Variants in ZFHX4 observed in about 807,000 individuals in gnomAD.
The protein encoded by ZFHX4 is zinc finger homeobox protein 4.
ZFHX4 carries 56 observed loss-of-function variants against 267.6 expected under a neutral mutation model. That is an observed-to-expected ratio of 0.21 (90% CI 0.17 to 0.26). The LOEUF is 0.26. ZFHX4 is among the 10% of genes least tolerant of loss of function. The pLI, the probability that ZFHX4 is intolerant of heterozygous loss-of-function variation, is 1.00. For synonymous variants in ZFHX4, 1,778 were observed against 1,665.6 expected (o/e 1.07, Z -1.64); for missense variants, 4,332 against 4,420.0 (o/e 0.98, Z 0.56).
At chr8:76,745,583 A>ATATATAT (rs1178474204) in intron 3 of ZFHX4, among the ~76,000 whole-genome samples, 1 of 82,338 alleles carries the variant, frequency 1.2e-5, no homozygotes. Flanking sequence ...TCTAAAAGAT[A>ATATATAT]TATATATATA....
At position 76,851,992 on chromosome 8, in the gene ZFHX4, C is replaced by T; in HGVS notation, c.5071C>T (p.Pro1691Ser). 1 of 1,613,986 alleles carries T rather than the reference C, an allele frequency of 6.2e-7. No homozygotes were observed. Among genetic ancestry groups the T allele is most frequent in the Non-Finnish European group, 8.5e-7 (1 of 1,179,868 alleles). The change falls in exon 10 of 11, where the codon CCA (proline) becomes TCA (serine). Residue 1691 changes from proline to serine, a missense_variant. Transcript: ENST00000651372. ...AQPAHHPPQSPAQIQMQLQHE... is the reference protein window; with the variant it reads ...AQPAHHPPQSSAQIQMQLQHE... The stretch of plus-strand genomic sequence containing the variant: ...ACCTGCACATCACCCACCACAGTCA[C>T]CAGCACAAATTCAGATGCAACTACA...
In ZFHX4 at chr8:76,866,755, T is replaced by C. The variant is rs538533582; in HGVS notation, c.*2190T>C. The C allele has an allele frequency of 3.3e-5, 5 of 150,744 alleles. No individual in the cohort carries two copies. Among genetic ancestry groups the C allele is most frequent in the East Asian group, 4.5e-4 (2 of 4,418 alleles). 9.3% of individuals were successfully genotyped at this position (150,744 alleles called of 1,614,324 possible). On this transcript the variant is annotated 3_prime_UTR_variant, in exon 11 of 11. Transcript: ENST00000651372. ...GTTTTACAAATGATTATTCCGACAG[T>C]GTGTCGACATAAACTTTTACAACTG...
intron 4 of ZFHX4, among the ~76,000 whole-genome samples, chr8:76,803,202 C>T (rs1375998362): frequency 6.6e-6 from 1 of 151,806 alleles, no homozygotes; most frequent in African/African-American, 2.4e-5. Flanking sequence ...AAATAAAAAT[C>T]CAGCCTTTTC....
chr8:76,846,290 T>C (rs1812362306), intron 6 of ZFHX4, among the ~76,000 whole-genome samples: 1 of 152,076 alleles, frequency 6.6e-6, no homozygotes, highest in South Asian at 2.1e-4. Context: ...ATCTCAATAT[T>C]CTCTACTTCC....
At chr8:76,795,693 C>T (rs560679860) in intron 4 of ZFHX4, among the ~76,000 whole-genome samples, 87 of 152,096 alleles carry the variant, frequency 5.7e-4, no homozygotes, top group Non-Finnish European at 1.0e-3. Flanking sequence ...TAGGCATGCA[C>T]CACCACACCC....
At chr8:76,787,638 TA>T (rs748402870) in intron 4 of ZFHX4, among the ~76,000 whole-genome samples, 3,936 of 62,208 alleles carry the variant, frequency 0.063, 129 homozygotes, top group East Asian at 0.25. Flanking sequence ...CCATCTCCAC[TA>T]AAAAAAAAAA....
Position 76,707,610 on chromosome 8 carries a change from C to G in ZFHX4, c.2655C>G (p.Ser885=). 1 of 1,613,644 alleles carries G rather than the reference C, an allele frequency of 6.2e-7. No individual in the cohort carries two copies. The highest frequency in any genetic ancestry group is 8.5e-7 in the Non-Finnish European group (1 of 1,179,810). The change falls in exon 3 of 11, where the codon TCC becomes TCG. Residue 885 remains serine, a synonymous_variant. Transcript: ENST00000651372. ...GTCAGCTAATGGGTGATGACCTGTCCCTCCTTACTGCAGGAGAGCTGTCAC... is the reference window on the plus strand; with the variant it reads ...GTCAGCTAATGGGTGATGACCTGTCGCTCCTTACTGCAGGAGAGCTGTCAC... ...ASGQLMGDDL[S]LLTAGELSPY... is the part of the protein sequence containing the mutation.
In ZFHX4 at chr8:76,778,277, A is replaced by C; in HGVS notation, c.3163A>C (p.Thr1055Pro). Reference protein sequence around the residue: ...CYYYCAVCDYTTKVKLNLVQH... With the variant: ...CYYYCAVCDYPTKVKLNLVQH... ...TTACTACTGTGCCGTGTGTGATTAC[A>C]CCACCAAGGTCAAGTTGAATCTGGT... Residue 1055 changes from threonine to proline, a missense_variant, in exon 4 of 11, where the codon ACC becomes CCC. Transcript: ENST00000651372. 1 of 1,613,816 alleles carries C rather than the reference A, an allele frequency of 6.2e-7. No homozygotes were observed. The highest frequency in any genetic ancestry group is 8.5e-7 in the Non-Finnish European group (1 of 1,179,790).
rs1324101380 is a variant in ZFHX4, at chr8:76,849,602, A to G, written c.3736A>G (p.Ile1246Val). The G allele has an allele frequency of 1.9e-6, 3 of 1,613,986 alleles. No individual in the cohort carries two copies. The highest frequency in any genetic ancestry group is 2.2e-5 in the South Asian group (2 of 91,086). ...VLSQHSVQPV[I>V]CCPLCQDVLS... ...ATCACAGCACTCGGTGCAGCCGGTC[A>G]TCTGCTGTCCTCTCTGTCAGGACGT... The change falls in exon 8 of 11, where the codon ATC (isoleucine) becomes GTC (valine). Residue 1246 changes from isoleucine (I) to valine (V), a missense_variant. This residue lies in a region of ZFHX4 where 1,371 missense variants were observed against 1,423.1 expected (regional missense o/e 0.96). Coordinates refer to ENST00000651372, the MANE Select transcript of ZFHX4 (RefSeq NM_024721.5).
rs1810548255 is a variant in ZFHX4, at chr8:76,781,562, TTGG to T, written c.3325+3124_3325+3126del. On this transcript the variant is annotated intron_variant, in intron 4 of 10. Transcript: ENST00000651372. ...TTTCTTAACTTTTCATTTGATTTTG[TTGG>T]CATTGTGGATGCATAATTTGGGTGG... Among the ~76,000 whole-genome samples the T allele has an allele frequency of 2.0e-5, 3 of 152,222 alleles. No homozygotes were observed. In the East Asian group the frequency reaches 5.8e-4, roughly 29 times the overall value.
chr8:76,705,561 C>A lies in ZFHX4; in HGVS notation c.1473C>A (p.Leu491=). The change falls in exon 2 of 11, where the codon CTC becomes CTA. Residue 491 remains leucine, a synonymous_variant. Transcript: ENST00000651372. ...ATGACGAGGAAGTATTAGGTGAACT[C>A]ACCGATAGTATTGGTAACAAAGATT... ...ELDDEEVLGE[L]TDSIGNKDFP... is the part of the protein sequence containing the mutation. 6.2e-7 allele frequency: 1 copy of A among 1,613,614 alleles called. No individual in the cohort carries two copies. The highest frequency in any genetic ancestry group is 8.5e-7 in the Non-Finnish European group (1 of 1,179,706).
intron 3 of ZFHX4, among the ~76,000 whole-genome samples, chr8:76,744,816 G>A (rs1809416264): frequency 6.6e-6 from 1 of 152,114 alleles, no homozygotes; most frequent in South Asian, 2.1e-4. Context: ...TCCTGATGAG[G>A]TATGTACCAC....
chr8:76,790,083 C>T (rs1810794418), intron 4 of ZFHX4, among the ~76,000 whole-genome samples: 1 of 151,990 alleles, frequency 6.6e-6, no homozygotes, highest in Admixed American at 6.6e-5. Context: ...ATTGAAAAGC[C>T]TGGACAATTT....
At chr8:76,759,743 A>G (rs1007358626) in intron 3 of ZFHX4, among the ~76,000 whole-genome samples, 3 of 152,210 alleles carry the variant, frequency 2.0e-5, no homozygotes, top group Non-Finnish European at 2.9e-5. Context: ...TTCAATTTCA[A>G]GATGGAAATA....
At chr8:76,713,394 TC>T (rs1416588471) in intron 3 of ZFHX4, among the ~76,000 whole-genome samples, 1 of 152,218 alleles carries the variant, frequency 6.6e-6, no homozygotes, top group Non-Finnish European at 1.5e-5. Flanking sequence ...TACATCCATG[TC>T]AGGATAGATA....
rs558031577 is a variant in ZFHX4, at chr8:76,866,998, C to T, written c.*2433C>T. 6.6e-6 allele frequency: 1 copy of T among 152,424 alleles called. No homozygotes were observed. The highest frequency in any genetic ancestry group is 6.6e-5 in the Admixed American group (1 of 15,232). 9.4% of individuals were successfully genotyped at this position (152,424 alleles called of 1,614,324 possible). Reference sequence around the variant, plus strand: ...TGCACCCTGAGGTTTTAATAAAAGCCCCTATGGCTATAACTTTAAATAAAC... The same window carrying T: ...TGCACCCTGAGGTTTTAATAAAAGCTCCTATGGCTATAACTTTAAATAAAC... On this transcript the variant is annotated 3_prime_UTR_variant, in exon 11 of 11. Coordinates refer to ENST00000651372, the MANE Select transcript of ZFHX4 (RefSeq NM_024721.5).
Position 76,851,461 on chromosome 8 carries a change from G to A in ZFHX4, c.4540G>A (p.Gly1514Ser). 1 of 1,613,810 alleles carries A rather than the reference G, an allele frequency of 6.2e-7. No homozygotes were observed. Among genetic ancestry groups the A allele is most frequent in the Non-Finnish European group, 8.5e-7 (1 of 1,179,854 alleles). Residue 1514 changes from glycine to serine, a missense_variant, in exon 10 of 11, where the codon GGC becomes AGC. Gly to Ser is a moderately conservative substitution (Grantham distance 56). This residue lies in a region of ZFHX4 where 1,371 missense variants were observed against 1,423.1 expected (regional missense o/e 0.96). Coordinates refer to ENST00000651372, the MANE Select transcript of ZFHX4 (RefSeq NM_024721.5). ...TAGTAGCTCTATTCCAGATGACATG[G>A]GCTCTGAACCAAAGCGGACCTTACC... is the stretch of plus-strand genomic sequence containing the variant. ...SDSSSIPDDM[G>S]SEPKRTLPFR... is the part of the protein sequence containing the mutation.
intron 3 of ZFHX4, among the ~76,000 whole-genome samples, chr8:76,774,960 A>G (rs78917288): frequency 0.032 from 4,933 of 152,286 alleles, 92 homozygotes; most frequent in East Asian, 0.065. Context: ...GGAAACAATA[A>G]GAATATTTGC....
intron 5 of ZFHX4, among the ~76,000 whole-genome samples, chr8:76,835,227 A>ATATATATATATG (rs1554572148): frequency 1.7e-5 from 1 of 59,086 alleles, no homozygotes; most frequent in African/African-American, 9.3e-5. Flanking sequence ...ATGTATATAT[A>ATATATATATATG]TATATATATA....
Sources: gnomAD v4.1 joint callset for allele counts (sites outside exome capture counted in the v4.1 genomes callset) on GRCh38, gnomAD v4.1.1 for gene constraint, gnomAD v4.1.1 regional missense constraint, MANE v1.5 for transcripts, NCBI Gene and HGNC (gene_info 2026-07-23, HGNC 2026-07-21) for gene names.